Variants in CDK19 observed in about 807,000 individuals in gnomAD.
The protein encoded by CDK19 is cyclin dependent kinase 19.
Under a neutral mutation model 68.3 loss-of-function variants are expected in CDK19, and 20 were observed. That is an observed-to-expected ratio of 0.29 (90% CI 0.21 to 0.43). CDK19 has a LOEUF of 0.43. Among genes scored for constraint, CDK19 ranks in the 20% least tolerant of loss-of-function variants. The pLI, the probability that CDK19 is intolerant of heterozygous loss-of-function variation, is 1.00. For missense variants in CDK19, 339 were observed against 623.5 expected (o/e 0.54, Z 4.86); for synonymous variants, 221 against 222.8 (o/e 0.99, Z 0.07).
chr6:110,787,148 G>A (rs541421485), intron 1 of CDK19, among the ~76,000 whole-genome samples: 16 of 152,086 alleles, frequency 1.1e-4, no homozygotes, highest in Non-Finnish European at 2.2e-4. Flanking sequence ...CCAGACGGGC[G>A]GATCACTTGA....
rs9481092 is a variant in CDK19, at chr6:110,668,166, T to C, written c.316-592A>G. Among the ~76,000 whole-genome samples, 1,149 of 152,280 alleles carry C rather than the reference T, an allele frequency of 7.5e-3. 16 individuals are homozygous for C. Among genetic ancestry groups the C allele is most frequent in the African/African-American group, 0.026 (1,089 of 41,546 alleles). On this transcript the variant is annotated intron_variant, in intron 3 of 12. Coordinates refer to ENST00000368911, the MANE Select transcript of CDK19 (RefSeq NM_015076.5). ...TTCAAATTTTTATATCCACGTTATA[T>C]TGTGGGTTATAAAAACATTGTACTG...
intron 1 of CDK19, among the ~76,000 whole-genome samples, chr6:110,780,727 C>T (rs1204141285): frequency 6.6e-6 from 1 of 151,966 alleles, no homozygotes; most frequent in Non-Finnish European, 1.5e-5. Context: ...AATTAAAATA[C>T]TGAATGATGA....
At chr6:110,740,346 C>T (rs1356871654) in intron 2 of CDK19, among the ~76,000 whole-genome samples, 2 of 152,136 alleles carry the variant, frequency 1.3e-5, no homozygotes, top group Non-Finnish European at 2.9e-5. Context: ...TAATCCCAGG[C>T]TAAAAATGCT....
At chr6:110,743,839 T>C (rs1002698360) in intron 2 of CDK19, among the ~76,000 whole-genome samples, 2 of 152,086 alleles carry the variant, frequency 1.3e-5, no homozygotes, top group Non-Finnish European at 2.9e-5. Context: ...ACCCAATTAA[T>C]TCATGGAAGG....
intron 2 of CDK19, among the ~76,000 whole-genome samples, chr6:110,736,068 G>A (rs754089754): frequency 1.3e-4 from 20 of 152,170 alleles, no homozygotes; most frequent in Admixed American, 3.3e-4. Context: ...TCAGCCAGGC[G>A]TGGTAGTTCA....
At chr6:110,806,588 T>C (rs1307072432) in intron 1 of CDK19, among the ~76,000 whole-genome samples, 1 of 152,120 alleles carries the variant, frequency 6.6e-6, no homozygotes, top group Non-Finnish European at 1.5e-5. Context: ...AGACAGCCAA[T>C]GATGTAAGTC....
At chr6:110,768,839 T>C (rs551295907) in intron 1 of CDK19, among the ~76,000 whole-genome samples, 22 of 152,032 alleles carry the variant, frequency 1.4e-4, no homozygotes, top group Non-Finnish European at 2.8e-4. Context: ...CCATAGAATA[T>C]ACCTAATGTG....
At chr6:110,760,150 C>T (rs1298569781) in intron 1 of CDK19, among the ~76,000 whole-genome samples, 2 of 152,042 alleles carry the variant, frequency 1.3e-5, no homozygotes, top group East Asian at 3.9e-4. Flanking sequence ...AATCCCAGCA[C>T]TTTGGGAGGC....
At chr6:110,650,755 G>A (rs111687267) in intron 4 of CDK19, among the ~76,000 whole-genome samples, 9 of 152,148 alleles carry the variant, frequency 5.9e-5, no homozygotes, top group East Asian at 1.9e-4. Context: ...AGAATAGAAC[G>A]GGTCAGGAAA....
intron 12 of CDK19, among the ~76,000 whole-genome samples, chr6:110,616,970 C>CA: frequency 6.6e-6 from 1 of 152,162 alleles, no homozygotes; most frequent in South Asian, 2.1e-4. Flanking sequence ...TACTTGCTTA[C>CA]AATACATTGA....
intron 4 of CDK19, among the ~76,000 whole-genome samples, chr6:110,658,706 T>A (rs1352896779): frequency 6.6e-6 from 1 of 152,208 alleles, no homozygotes; most frequent in Admixed American, 6.5e-5. Flanking sequence ...CACAGCCTAC[T>A]TTTTTTGTTT....
intron 5 of CDK19, among the ~76,000 whole-genome samples, chr6:110,635,535 A>C (rs911041888): frequency 3.3e-5 from 5 of 151,504 alleles, no homozygotes; most frequent in African/African-American, 9.7e-5. Context: ...TTTCTTACCC[A>C]CTCCCCCTCC....
chr6:110,767,405 G>T (rs184042626), intron 1 of CDK19, among the ~76,000 whole-genome samples: 1 of 151,640 alleles, frequency 6.6e-6, no homozygotes, highest in South Asian at 2.1e-4. Context: ...ATGACCTGAG[G>T]TCAGGAGTTC....
intron 2 of CDK19, among the ~76,000 whole-genome samples, chr6:110,677,570 TAA>T (rs538974161): frequency 4.7e-4 from 28 of 59,626 alleles, no homozygotes; most frequent in Admixed American, 8.1e-4. Flanking sequence ...CATCTCAACA[TAA>T]AAAAAAAAAA....
At chr6:110,690,769 T>C (rs1202057370) in intron 2 of CDK19, among the ~76,000 whole-genome samples, 3 of 152,056 alleles carry the variant, frequency 2.0e-5, no homozygotes, top group African/African-American at 4.8e-5. Context: ...ACAGAACTCA[T>C]ATAGAGTCAT....
intron 2 of CDK19, among the ~76,000 whole-genome samples, chr6:110,718,880 G>A (rs1775610620): frequency 6.6e-6 from 1 of 152,156 alleles, no homozygotes; most frequent in African/African-American, 2.4e-5. Context: ...AGTTGGGGTA[G>A]AGTGTGGAGC....
intron 2 of CDK19, among the ~76,000 whole-genome samples, chr6:110,694,130 G>A (rs555858254): frequency 2.7e-5 from 4 of 148,958 alleles, no homozygotes; most frequent in Non-Finnish European, 4.4e-5. Flanking sequence ...GAATGGAACA[G>A]TAACTCACAT....
chr6:110,619,458 A>T (rs1480399983), intron 12 of CDK19, among the ~76,000 whole-genome samples: 1 of 151,770 alleles, frequency 6.6e-6, no homozygotes, highest in African/African-American at 2.4e-5. Context: ...ACAGTAGAGG[A>T]GGTGTTGTCT....
chr6:110,683,631 G>A (rs777187333), intron 2 of CDK19, among the ~76,000 whole-genome samples: 1 of 151,596 alleles, frequency 6.6e-6, no homozygotes, highest in Non-Finnish European at 1.5e-5. Context: ...TAAGCTTTGC[G>A]ATAAATAAGA....
Sources: allele counts gnomAD v4.1 joint callset (sites outside exome capture counted in the v4.1 genomes callset), GRCh38; gene constraint gnomAD v4.1.1; transcripts MANE v1.5; gene names NCBI Gene and HGNC (gene_info 2026-07-23, HGNC 2026-07-21).